Variants in SOX5 observed in about 807,000 individuals in gnomAD.
The protein encoded by SOX5 is transcription factor SOX-5.
A neutral mutation model predicts 92.0 loss-of-function variants in SOX5; 9 were observed. That is an observed-to-expected ratio of 0.10 (90% confidence interval 0.06 to 0.17). The LOEUF (loss-of-function observed/expected upper bound fraction) is 0.17, where lower values mean the gene tolerates loss of function less well. Ranked by LOEUF, SOX5 falls within the 10% of genes least tolerant of loss-of-function variation. The pLI is 1.00. For synonymous variants in SOX5, 344 were observed against 336.3 expected, an observed-to-expected ratio of 1.02 and a Z score of -0.25; for missense variants, 642 against 944.5, an observed-to-expected ratio of 0.68 and a Z score of 4.20.
intron 1 of SOX5, among the ~76,000 whole-genome samples, chr12:24,399,072 G>T (rs1388349511): frequency 6.6e-6 from 1 of 152,124 alleles, no homozygotes; most frequent in Admixed American, 6.5e-5. Flanking sequence ...ACCAAAAACG[G>T]CCACGGTCTT....
chr12:23,775,068 A>G (rs2095055831), intron 3 of SOX5, among the ~76,000 whole-genome samples: 1 of 152,222 alleles, frequency 6.6e-6, no homozygotes, highest in Non-Finnish European at 1.5e-5. Flanking sequence ...GATAAAAATT[A>G]CAAGACAACT....
At chr12:23,694,763 A>C (rs886719301) in intron 6 of SOX5, among the ~76,000 whole-genome samples, 2 of 151,364 alleles carry the variant, frequency 1.3e-5, no homozygotes, top group African/African-American at 4.9e-5. Flanking sequence ...TATAAAGGCA[A>C]ATGGAAAAAT....
chr12:24,335,228 T>G (rs1951757319), intron 2 of SOX5, among the ~76,000 whole-genome samples: 1 of 151,572 alleles, frequency 6.6e-6, no homozygotes, highest in African/African-American at 2.4e-5. Context: ...GTTCACAACA[T>G]GCAGCACATA....
chr12:23,757,039 T>A (rs199935764), intron 3 of SOX5, among the ~76,000 whole-genome samples: 1 of 151,864 alleles, frequency 6.6e-6, no homozygotes, highest in Non-Finnish European at 1.5e-5. Flanking sequence ...AGTAACAATA[T>A]GGAACACTTC....
At chr12:23,556,878 C>T (rs546523100) in intron 11 of SOX5, among the ~76,000 whole-genome samples, 4 of 152,192 alleles carry the variant, frequency 2.6e-5, no homozygotes, top group African/African-American at 7.2e-5. Context: ...TGTCAGTTTC[C>T]GAAGAGTTAA....
chr12:23,714,398 G>T (rs1313766542), intron 6 of SOX5, among the ~76,000 whole-genome samples: 1 of 152,078 alleles, frequency 6.6e-6, no homozygotes, highest in African/African-American at 2.4e-5. Context: ...GAGGCAGGTG[G>T]ATAACTTGAG....
chr12:23,989,518 T>C (rs1280068508), intron 4 of SOX5, among the ~76,000 whole-genome samples: 2 of 152,138 alleles, frequency 1.3e-5, no homozygotes, highest in African/African-American at 2.4e-5. Context: ...CAACACTAGA[T>C]GGCAAAAGTT....
intron 3 of SOX5, among the ~76,000 whole-genome samples, chr12:24,224,957 A>T (rs992970383): frequency 1.3e-5 from 2 of 152,170 alleles, no homozygotes; most frequent in African/African-American, 4.8e-5. Context: ...GCATTCTCCC[A>T]TCTTCTAGTT....
chr12:23,580,889 T>TA (rs1408253471), intron 9 of SOX5, among the ~76,000 whole-genome samples: 1 of 152,092 alleles, frequency 6.6e-6, no homozygotes, highest in Non-Finnish European at 1.5e-5. Context: ...AACAAATATG[T>TA]AGCCTTAGAC....
chr12:23,634,282 T>C (rs1166831534), intron 8 of SOX5, among the ~76,000 whole-genome samples: 1 of 152,128 alleles, frequency 6.6e-6, no homozygotes, highest in Non-Finnish European at 1.5e-5. Flanking sequence ...ATAAGAAACA[T>C]AATACATTTT....
chr12:23,613,904 C>T (rs1238138517), intron 8 of SOX5, among the ~76,000 whole-genome samples: 1 of 152,064 alleles, frequency 6.6e-6, no homozygotes, highest in Non-Finnish European at 1.5e-5. Flanking sequence ...TGACTACGGA[C>T]CTTCAGTTTG....
intron 2 of SOX5, among the ~76,000 whole-genome samples, chr12:24,326,168 T>C (rs1018643810): frequency 2.6e-5 from 4 of 152,196 alleles, no homozygotes; most frequent in African/African-American, 9.6e-5. Flanking sequence ...GTAAAACATT[T>C]GCTTCCCTTT....
chr12:24,130,932 G>C (rs1361602815), intron 4 of SOX5, among the ~76,000 whole-genome samples: 1 of 152,098 alleles, frequency 6.6e-6, no homozygotes, highest in Admixed American at 6.6e-5. Flanking sequence ...ATCTAACACA[G>C]CCACAAGTGA....
intron 9 of SOX5, among the ~76,000 whole-genome samples, chr12:23,578,739 T>C (rs1949621637): frequency 6.6e-6 from 1 of 152,172 alleles, no homozygotes; most frequent in Non-Finnish European, 1.5e-5. Context: ...TACTATTTAC[T>C]ACCCAGCTGT....
chr12:24,505,858 T>TGTGTGCGCGC (rs1948680901), intron 1 of SOX5, among the ~76,000 whole-genome samples: 2 of 71,136 alleles, frequency 2.8e-5, no homozygotes, highest in African/African-American at 4.9e-5. Context: ...TGTGTGCGTG[T>TGTGTGCGCGC]GTGTGTGTGT....
At chr12:24,527,152 G>T (rs558520431) in intron 1 of SOX5, among the ~76,000 whole-genome samples, 1 of 152,310 alleles carries the variant, frequency 6.6e-6, no homozygotes, top group Admixed American at 6.5e-5. Flanking sequence ...TTGAGAACAA[G>T]GGCTGTCTCT....
At chr12:23,591,891 G>C (rs571345665) in intron 9 of SOX5, among the ~76,000 whole-genome samples, 55 of 152,168 alleles carry the variant, frequency 3.6e-4, no homozygotes, top group African/African-American at 1.2e-3. Context: ...CACAAGAGAA[G>C]AATTTTTGTA....
chr12:23,710,900 C>A (rs1399855064), intron 6 of SOX5, among the ~76,000 whole-genome samples: 1 of 152,144 alleles, frequency 6.6e-6, no homozygotes, highest in Non-Finnish European at 1.5e-5. Flanking sequence ...TCTCCAGCAC[C>A]TGTTGTTTCC....
intron 3 of SOX5, among the ~76,000 whole-genome samples, chr12:24,254,592 T>C (rs1940802814): frequency 6.6e-6 from 1 of 151,942 alleles, no homozygotes; most frequent in South Asian, 2.1e-4. Context: ...GAACAGAAGG[T>C]AGCATGGGTA....
Sources: gnomAD v4.1 joint callset for allele counts (sites outside exome capture counted in the v4.1 genomes callset) on GRCh38, gnomAD v4.1.1 for gene constraint, MANE v1.5 for transcripts, NCBI Gene and HGNC (gene_info 2026-07-23, HGNC 2026-07-21) for gene names.